Variants in GLIPR1L2 observed in about 807,000 individuals in gnomAD.
GLIPR1L2 encodes GLIPR1 like 2, also known as GLIPR1-like protein 2.
In GLIPR1L2, 21 loss-of-function variants were observed where a neutral mutation model predicts 28.4. The observed-to-expected ratio is 0.74, with a 90% CI of 0.52 to 1.06. The LOEUF is 1.06. Ranked by LOEUF, GLIPR1L2 falls within the 50% of genes least tolerant of loss-of-function variation. The probability of loss-of-function intolerance (pLI) is 0.00; values close to 1 mark genes in which losing one functional copy is unlikely to be tolerated. For missense variants in GLIPR1L2, 476 were observed against 416.9 expected (o/e 1.14, Z -1.23); for synonymous variants, 145 against 139.3 (o/e 1.04, Z -0.29).
intron 1 of GLIPR1L2, among the ~76,000 whole-genome samples, chr12:75,396,177 T>C (rs1469921125): frequency 1.3e-5 from 2 of 152,312 alleles, no homozygotes; most frequent in Non-Finnish European, 2.9e-5. Context: ...TTTTAAATTA[T>C]TTTTTGAGAC....
chr12:75,431,109 A>C lies in GLIPR1L2; in HGVS notation c.983A>C (p.Glu328Ala), dbSNP rs1406328858. The change falls in exon 6 of 6, where the codon GAG becomes GCG. Residue 328 changes from glutamate to alanine, a missense_variant. By Grantham distance (107) the Glu-to-Ala change is moderately radical. Transcript: ENST00000550916. ...MEMEEEKEER[E>A]EEEEETQKEK... ...ATGGAGGAGGAAAAAGAAGAGAGAG[A>C]GGAGGAGGAGGAGGAAACACAAAAA... The C allele has an allele frequency of 2.0e-6, 2 of 985,366 alleles. No homozygotes were observed. Among genetic ancestry groups the C allele is most frequent in the Non-Finnish European group, 3.1e-6 (2 of 650,342 alleles). The allele number at this position is 985,366 out of a possible 1,614,324, so 61.0% of individuals were successfully genotyped here. A position where few individuals can be genotyped will look rare whatever the true frequency, so the allele number is the denominator to read the frequency against.
intron 1 of GLIPR1L2, among the ~76,000 whole-genome samples, chr12:75,398,490 T>G (rs2045706312): frequency 6.6e-6 from 1 of 152,180 alleles, no homozygotes; most frequent in African/African-American, 2.4e-5. Context: ...AGATTGTGTC[T>G]TAGCTTCGTC....
rs2046085059 is a variant in GLIPR1L2 at position 75,430,881 on chromosome 12, T to C, written c.755T>C (p.Leu252Pro). The stretch of plus-strand genomic sequence containing the variant: ...CCCCGGCCAGTTGTGTGTGATCCAC[T>C]GTGCACATTCATTTTATTATTGAGA... ...EMPRPVVCDP[L>P]CTFILLLRIL... Residue 252 changes from leucine to proline, a missense_variant, in exon 6 of 6, where the codon CTG becomes CCG. Leu to Pro is a moderately conservative substitution (Grantham distance 98, BLOSUM62 -3). Coordinates refer to ENST00000550916, the MANE Select transcript of GLIPR1L2 (RefSeq NM_001270396.2). 2.0e-6 allele frequency: 3 copies of C among 1,535,982 alleles called. No individual in the cohort carries two copies. Among genetic ancestry groups the C allele is most frequent in the Non-Finnish European group, 2.6e-6 (3 of 1,146,748 alleles).
intron 1 of GLIPR1L2, among the ~76,000 whole-genome samples, chr12:75,394,206 G>A (rs1045832090): frequency 6.6e-6 from 1 of 151,940 alleles, no homozygotes; most frequent in South Asian, 2.1e-4. Flanking sequence ...CTCCCGTTTT[G>A]TAAGTTGCCT....
chr12:75,403,215 G>A, intron 1 of GLIPR1L2: 1 of 433,622 alleles, frequency 2.3e-6, no homozygotes, highest in South Asian at 1.6e-5. Flanking sequence ...TAGATTTTTT[G>A]ATTTTTAAGC....
Position 75,432,360 on chromosome 12 carries a change from T to C in GLIPR1L2, c.*1199T>C, listed in dbSNP as rs1269286548. The C allele has an allele frequency of 1.3e-5, 2 of 152,138 alleles. No individual in the cohort carries two copies. The highest frequency in any genetic ancestry group is 4.8e-5 in the African/African-American group (2 of 41,440). The allele number at this position is 152,138 out of a possible 1,614,324, so 9.4% of individuals were successfully genotyped here. A position where few individuals can be genotyped will look rare whatever the true frequency, so the allele number is the denominator to read the frequency against. ...CAGGGACTTAGGGAACTTATTCTAA[T>C]TGAGAATCAGAGGCTTAATAAACCT... On this transcript the variant is annotated 3_prime_UTR_variant, in exon 6 of 6. Transcript: ENST00000550916.
At chr12:75,394,366 C>T (rs2045661146) in intron 1 of GLIPR1L2, among the ~76,000 whole-genome samples, 1 of 151,816 alleles carries the variant, frequency 6.6e-6, no homozygotes, top group Non-Finnish European at 1.5e-5. Context: ...TTCCCCTGTG[C>T]TTTTTAAAGG....
intron 1 of GLIPR1L2, among the ~76,000 whole-genome samples, chr12:75,393,329 C>T (rs2045650663): frequency 6.6e-6 from 1 of 152,028 alleles, no homozygotes; most frequent in Non-Finnish European, 1.5e-5. Flanking sequence ...CCCATTACCA[C>T]CACCTATCTC....
At chr12:75,395,346 T>C (rs184324819) in intron 1 of GLIPR1L2, among the ~76,000 whole-genome samples, 5 of 152,138 alleles carry the variant, frequency 3.3e-5, no homozygotes, top group Admixed American at 6.5e-5. Flanking sequence ...TGCTGTTAAA[T>C]TCAGGTTTTT....
chr12:75,391,791 C>T (rs960374639), intron 1 of GLIPR1L2, among the ~76,000 whole-genome samples: 4 of 152,044 alleles, frequency 2.6e-5, no homozygotes, highest in African/African-American at 9.7e-5. Flanking sequence ...AGATGAGATT[C>T]TGTTTGTATT....
intron 1 of GLIPR1L2, among the ~76,000 whole-genome samples, chr12:75,396,337 T>C (rs532388805): frequency 6.6e-6 from 1 of 152,194 alleles, no homozygotes; most frequent in South Asian, 2.1e-4. Context: ...CTGATTTTTG[T>C]ATTTTTTGTA....
intron 1 of GLIPR1L2, among the ~76,000 whole-genome samples, chr12:75,394,103 GC>G: frequency 6.6e-6 from 1 of 151,652 alleles, no homozygotes; most frequent in East Asian, 1.9e-4. Context: ...ACATTTTTTG[GC>G]CAACTTGTTA....
Position 75,430,745 on chromosome 12 carries a change from T to C in GLIPR1L2, c.697+4T>C. 1 of 1,534,850 alleles carries C rather than the reference T, an allele frequency of 6.5e-7. No homozygotes were observed. The highest frequency in any genetic ancestry group is 8.7e-7 in the Non-Finnish European group (1 of 1,146,458). ...GCAGATCGTGACCAAGCCACATGTA[T>C]GTATTGTTGTCCTTTATTTCTTGAA... On this transcript the variant is annotated splice_donor_region_variant and intron_variant, in intron 5 of 5. Coordinates refer to ENST00000550916, the MANE Select transcript of GLIPR1L2 (RefSeq NM_001270396.2).
At chr12:75,395,843 T>A (rs1451621605) in intron 1 of GLIPR1L2, among the ~76,000 whole-genome samples, 1 of 152,002 alleles carries the variant, frequency 6.6e-6, no homozygotes, top group Non-Finnish European at 1.5e-5. Context: ...TGATTTTCTC[T>A]GTTGTTTTTC....
intron 1 of GLIPR1L2, among the ~76,000 whole-genome samples, chr12:75,395,411 T>G (rs564632376): frequency 2.0e-5 from 3 of 151,932 alleles, no homozygotes; most frequent in Non-Finnish European, 2.9e-5. Context: ...AGTTTTCTTA[T>G]AGTATCTTTT....
At chr12:75,425,998 T>A (rs539959555) in intron 4 of GLIPR1L2, among the ~76,000 whole-genome samples, 141 of 152,280 alleles carry the variant, frequency 9.3e-4, no homozygotes, top group African/African-American at 3.0e-3. Flanking sequence ...AGTTTCAACA[T>A]GTGAATAATT....
intron 1 of GLIPR1L2, among the ~76,000 whole-genome samples, chr12:75,392,345 A>G (rs1332213333): frequency 6.6e-6 from 1 of 152,192 alleles, no homozygotes; most frequent in African/African-American, 2.4e-5. Flanking sequence ...GACATGTTCA[A>G]TTACTTGCTA....
intron 4 of GLIPR1L2, among the ~76,000 whole-genome samples, chr12:75,426,962 TGAAA>T (rs1407764983): frequency 3.3e-5 from 5 of 151,896 alleles, no homozygotes; most frequent in Admixed American, 1.3e-4. Flanking sequence ...AAAACTTGAG[TGAAA>T]GAACTCTCTG....
In GLIPR1L2 at chr12:75,431,070, T is replaced by C; in HGVS notation, c.944T>C (p.Met315Thr). 6 of 1,316,952 alleles carry C rather than the reference T, an allele frequency of 4.6e-6. No homozygotes were observed. Among genetic ancestry groups the C allele is most frequent in the Non-Finnish European group, 6.3e-6 (6 of 956,930 alleles). 81.6% of individuals were successfully genotyped at this position (1,316,952 alleles called of 1,614,324 possible). The change falls in exon 6 of 6, where the codon ATG (methionine) becomes ACG (threonine). Residue 315 changes from methionine to threonine, a missense_variant. By Grantham distance (81) the Met-to-Thr change is moderately conservative. Coordinates refer to ENST00000550916, the MANE Select transcript of GLIPR1L2 (RefSeq NM_001270396.2). ...AAGAAAGAGAAAGAGGAAATGGAAATGGAAATAATGGAAATGGAGGAGGAA... is the reference window on the plus strand; with the variant it reads ...AAGAAAGAGAAAGAGGAAATGGAAACGGAAATAATGGAAATGGAGGAGGAA... ...EEKKEKEEMEMEIMEMEEEKE... is the reference protein window; with the variant it reads ...EEKKEKEEMETEIMEMEEEKE...
Sources: allele counts gnomAD v4.1 joint callset (sites outside exome capture counted in the v4.1 genomes callset), GRCh38; gene constraint gnomAD v4.1.1; transcripts MANE v1.5; gene names NCBI Gene and HGNC (gene_info 2026-07-23, HGNC 2026-07-21).